Variants in VIL1 observed in about 807,000 individuals in gnomAD.
The protein encoded by VIL1 is villin 1, also known as villin-1.
VIL1 carries 86 observed loss-of-function variants against 104.0 expected under a neutral mutation model. The observed-to-expected ratio is 0.83, with a 90% CI of 0.69 to 0.99. The LOEUF (loss-of-function observed/expected upper bound fraction) is 0.99. Among genes scored for constraint, VIL1 ranks in the 50% least tolerant of loss-of-function variants. VIL1 has a pLI of 0.00. For synonymous variants in VIL1, 394 were observed against 412.6 expected (o/e 0.95, Z 0.55); for missense variants, 944 against 1,054.1 (o/e 0.90, Z 1.45).
chr2:218,424,823 A>AT (rs1688952286), intron 3 of VIL1, among the ~76,000 whole-genome samples: 1 of 151,728 alleles, frequency 6.6e-6, no homozygotes, highest in South Asian at 2.1e-4. Flanking sequence ...CAGTCAGCTA[A>AT]TTTTTTTGTA....
intron 9 of VIL1, 95 bp from the exon 10 acceptor site, chr2:218,430,630 G>C: frequency 6.8e-7 from 1 of 1,460,864 alleles, no homozygotes; most frequent in Non-Finnish European, 9.2e-7. Flanking sequence ...TAGATCTGAT[G>C]GTGGATCTGG....
At position 218,435,307 on chromosome 2, in the gene VIL1, C is replaced by T. The variant is rs559576962; in HGVS notation, c.1699C>T (p.Arg567Trp). 4 of 1,613,812 alleles carry T rather than the reference C, an allele frequency of 2.5e-6. No individual in the cohort carries two copies. Among genetic ancestry groups the T allele is most frequent in the African/African-American group, 1.3e-5 (1 of 74,996 alleles). Residue 567 changes from arginine (R) to tryptophan (W), a missense_variant, in exon 15 of 20, where the codon CGG becomes TGG. Physicochemically the swap from Arg to Trp is moderately radical, Grantham distance 101 (BLOSUM62 -3). Coordinates refer to ENST00000248444, the MANE Select transcript of VIL1 (RefSeq NM_007127.3). ...TTCCTAGGGTTGTAGCGGGGACGAGCGGGAGATGGCCAAGATGGTTGCTGA... is the reference window on the plus strand; with the variant it reads ...TTCCTAGGGTTGTAGCGGGGACGAGTGGGAGATGGCCAAGATGGTTGCTGA... Reference protein sequence around the residue: ...WCGKGCSGDEREMAKMVADTI... With the variant: ...WCGKGCSGDEWEMAKMVADTI...
At chr2:218,434,120 C>T (rs540305788) in intron 13 of VIL1, among the ~76,000 whole-genome samples, 1 of 147,036 alleles carries the variant, frequency 6.8e-6, no homozygotes, top group Non-Finnish European at 1.5e-5. Flanking sequence ...TTGCTTGAAC[C>T]CAGGAGGCAG....
chr2:218,432,893 T>A lies in VIL1; in HGVS notation c.1442T>A (p.Met481Lys), dbSNP rs1350108105. ...NGEPVQIRVPMGKEPPHLMSI... is the reference protein window; with the variant it reads ...NGEPVQIRVPKGKEPPHLMSI... ...GAACCAGTCCAGATCCGGGTCCCAA[T>A]GGGCAAGGAGCCACCTCATCTTATG... The change falls in exon 13 of 20, where the codon ATG becomes AAG. Residue 481 changes from methionine to lysine, a missense_variant. By Grantham distance (95) the Met-to-Lys change is moderately conservative. Transcript: ENST00000248444. The A allele has an allele frequency of 1.4e-5, 23 of 1,614,080 alleles. No individual in the cohort carries two copies. The highest frequency in any genetic ancestry group is 2.7e-5 in the African/African-American group (2 of 74,934).
In VIL1 at chr2:218,437,192, A is replaced by G; in HGVS notation, c.2040A>G (p.Glu680=). 1.2e-6 allele frequency: 2 copies of G among 1,614,220 alleles called. No homozygotes were observed. The highest frequency in any genetic ancestry group is 1.7e-6 in the Non-Finnish European group (2 of 1,180,042). ...AGGCCGCAGCAACCACTGCACAGGA[A>G]TACCTCAAGACCCATCCCAGCGGGC... ...EKKAAATTAQ[E]YLKTHPSGRD... is the part of the protein sequence containing the mutation. Residue 680 remains glutamate, a synonymous_variant, in exon 17 of 20, where the codon GAA becomes GAG. Transcript: ENST00000248444.
chr2:218,431,837 CAT>C lies in VIL1; in HGVS notation c.1103-19_1103-18del. On this transcript the variant is annotated intron_variant, in intron 10 of 19. Transcript: ENST00000248444. ...GACCTCAGCTGGTGACAGTTGGTTT[CAT>C]GATTTCCCCCACTCTAGCCAAAGTG... The C allele has an allele frequency of 1.9e-6, 3 of 1,606,090 alleles. No homozygotes were observed. The South Asian group carries it at 3.4e-5, about 18-fold the overall frequency.
intron 4 of VIL1, 111 bp from the exon 5 acceptor site, chr2:218,427,854 C>T (rs1574813140): frequency 2.1e-6 from 2 of 970,770 alleles, no homozygotes; most frequent in East Asian, 2.4e-5. Context: ...ACCTCGCCTA[C>T]TCCCACCCTG....
intron 6 of VIL1, 96 bp from the exon 7 acceptor site, chr2:218,429,189 T>G: frequency 7.2e-7 from 1 of 1,397,912 alleles, no homozygotes; most frequent in Non-Finnish European, 9.8e-7. Context: ...CTGTGGCTGC[T>G]GTAGGTGGTC....
At chr2:218,440,966 A>G (rs1689275124) in intron 19 of VIL1, 104 bp downstream of exon 19, 3 of 1,394,240 alleles carry the variant, frequency 2.2e-6, no homozygotes, top group Non-Finnish European at 2.9e-6. Context: ...GGGATGAACA[A>G]GACAGATGGG....
chr2:218,444,319 G>A lies in VIL1; in HGVS notation c.2370+3457G>A, dbSNP rs1347349150. Among the ~76,000 whole-genome samples the A allele has an allele frequency of 2.0e-5, 3 of 151,162 alleles. No individual in the cohort carries two copies. In the East Asian group the frequency reaches 5.9e-4, roughly 30 times the overall value. On this transcript the variant is annotated intron_variant, in intron 19 of 19. Coordinates refer to ENST00000248444, the MANE Select transcript of VIL1 (RefSeq NM_007127.3). ...TTTTGAGATGGAGTCTTGCTCTGTC[G>A]CCCAAGCTGGAGTGCAGTGGCACGA...
intron 19 of VIL1, among the ~76,000 whole-genome samples, chr2:218,444,937 C>T (rs1212764344): frequency 6.6e-6 from 1 of 152,104 alleles, no homozygotes; most frequent in Non-Finnish European, 1.5e-5. Flanking sequence ...GCAGTCTTGA[C>T]AAAGCGGAAG....
chr2:218,421,651 G>C (rs1403692632), intron 1 of VIL1, among the ~76,000 whole-genome samples: 2 of 152,132 alleles, frequency 1.3e-5, no homozygotes, highest in Non-Finnish European at 2.9e-5. Flanking sequence ...ACATCTCAGA[G>C]CTTCCACTCC....
rs767127326 is a variant in VIL1 at position 218,428,286 on chromosome 2, G to A, written c.516G>A (p.Lys172=). 9 of 1,614,198 alleles carry A rather than the reference G, an allele frequency of 5.6e-6. No individual in the cohort carries two copies. The highest frequency in any genetic ancestry group is 1.1e-5 in the South Asian group (1 of 91,084). Residue 172 remains lysine, a synonymous_variant, in exon 6 of 20, where the codon AAG becomes AAA. Coordinates refer to ENST00000248444, the MANE Select transcript of VIL1 (RefSeq NM_007127.3). ...RGDVFLLDLG[K]LIIQWNGPES... is the part of the protein sequence containing the mutation. ...ATGTTTTCCTCCTGGACCTTGGGAA[G>A]CTTATCATCCAGTGGAATGGACCGG...
intron 12 of VIL1, 42 bp downstream of exon 12, chr2:218,432,225 G>A: frequency 6.3e-7 from 1 of 1,595,942 alleles, no homozygotes; most frequent in Non-Finnish European, 8.5e-7. Flanking sequence ...AGCCGGCTTA[G>A]CTCTGCCTTG....
chr2:218,438,866 G>T, intron 18 of VIL1, 140 bp downstream of exon 18: 3 of 624,230 alleles, frequency 4.8e-6, no homozygotes, highest in East Asian at 3.4e-5. Flanking sequence ...TCTTCTTGCT[G>T]TTTTACTTCA....
intron 10 of VIL1, 120 bp downstream of exon 10, chr2:218,430,998 G>A (rs1325161776): frequency 7.5e-7 from 1 of 1,328,888 alleles, no homozygotes; most frequent in Non-Finnish European, 1.0e-6. Flanking sequence ...CTTTTACGCT[G>A]GCTCTGGGCT....
rs781392931 is a variant in VIL1, at chr2:218,428,337, G to A, written c.567G>A (p.Arg189=). The change falls in exon 6 of 20, where the codon AGG becomes AGA. Residue 189 remains arginine, a splice_region_variant and synonymous_variant. Coordinates refer to ENST00000248444, the MANE Select transcript of VIL1 (RefSeq NM_007127.3). ...GPESTRMERL[R]GMTLAKEIRD... ...AAAGCACCCGTATGGAGAGACTCAG[G>A]GTAAACCTGCCCATGCACCACACCT... 6.2e-7 allele frequency: 1 copy of A among 1,613,660 alleles called. No individual in the cohort carries two copies. Among genetic ancestry groups the A allele is most frequent in the Admixed American group, 1.7e-5 (1 of 60,020 alleles).
chr2:218,438,854 A>C, intron 18 of VIL1, 128 bp downstream of exon 18: 5 of 716,634 alleles, frequency 7.0e-6, no homozygotes, highest in African/African-American at 1.8e-5. Flanking sequence ...CCCACTTCTC[A>C]TTCTTCTTGC....
At chr2:218,443,301 C>T (rs975748518) in intron 19 of VIL1, among the ~76,000 whole-genome samples, 11 of 150,920 alleles carry the variant, frequency 7.3e-5, no homozygotes, top group South Asian at 2.1e-4. Flanking sequence ...CAGGTTCAAG[C>T]GATTCTCCTG....
Sources: allele counts gnomAD v4.1 joint callset (sites outside exome capture counted in the v4.1 genomes callset), GRCh38; gene constraint gnomAD v4.1.1; transcripts MANE v1.5; gene names NCBI Gene and HGNC (gene_info 2026-07-23, HGNC 2026-07-21).